Variants in DNAH17 observed in about 807,000 individuals in gnomAD.
The protein encoded by DNAH17 is dynein axonemal heavy chain 17.
A neutral mutation model predicts 485.6 loss-of-function variants in DNAH17; 376 were observed. That is an observed-to-expected ratio of 0.77 (90% CI 0.71 to 0.84). The LOEUF (loss-of-function observed/expected upper bound fraction) is 0.84, where lower values mean the gene tolerates loss of function less well. Ranked by LOEUF, DNAH17 falls within the 40% of genes least tolerant of loss-of-function variation. The pLI is 0.00. For synonymous variants in DNAH17, 3,031 were observed against 2,405.9 expected, an observed-to-expected ratio of 1.26 and a Z score of -7.60; for missense variants, 6,370 against 5,839.3, an observed-to-expected ratio of 1.09 and a Z score of -2.96.
chr17:78,429,227 C>A lies in DNAH17; in HGVS notation c.12299G>T (p.Arg4100Leu). The A allele has an allele frequency of 6.8e-6, 11 of 1,613,886 alleles. No individual in the cohort carries two copies. Among genetic ancestry groups the A allele is most frequent in the Non-Finnish European group, 9.3e-6 (11 of 1,179,882 alleles). ...YGGHITDDWD[R>L]RLCRTYLAEY... is the part of the protein sequence containing the mutation. Reference sequence around the variant, plus strand: ...AGCCAGGTAGGTCCTGCACAGCCGACGGTCCCAGTCATCTGTGATGTGGCC... The same window carrying A: ...AGCCAGGTAGGTCCTGCACAGCCGAAGGTCCCAGTCATCTGTGATGTGGCC... Residue 4100 changes from arginine to leucine, a missense_variant, in exon 76 of 81, where the codon CGT becomes CTT. Arg to Leu is a moderately radical substitution (Grantham distance 102). Coordinates refer to ENST00000389840, the MANE Select transcript of DNAH17 (RefSeq NM_173628.4).
chr17:78,453,478 C>A lies in DNAH17; in HGVS notation c.10407-13G>T. The A allele has an allele frequency of 6.2e-7, 1 of 1,613,636 alleles. No individual in the cohort carries two copies. On this transcript the variant is annotated splice_polypyrimidine_tract_variant and intron_variant, in intron 64 of 80. Coordinates refer to ENST00000389840, the MANE Select transcript of DNAH17 (RefSeq NM_173628.4). The stretch of plus-strand genomic sequence containing the variant: ...GACATCCAGGTAGCTGCGGGCACAA[C>A]ACGGAAGCTGGTTCATGGCAGAGGG...
At chr17:78,513,037 G>A (rs998232357) in intron 26 of DNAH17, among the ~76,000 whole-genome samples, 22 of 150,590 alleles carry the variant, frequency 1.5e-4, no homozygotes, top group African/African-American at 5.1e-4. Context: ...GCACCTTACT[G>A]AAGCTCACCT....
chr17:78,480,594 A>C, intron 49 of DNAH17, 90 bp downstream of exon 49: 2 of 1,122,298 alleles, frequency 1.8e-6, no homozygotes, highest in Non-Finnish European at 2.5e-6. Flanking sequence ...TGCAGCCCTA[A>C]CACCCTAAAC....
In DNAH17 at chr17:78,571,444, C is replaced by T. The variant is rs776508416; in HGVS notation, c.733-66G>A. On this transcript the variant is annotated intron_variant, in intron 4 of 80. Coordinates refer to ENST00000389840, the MANE Select transcript of DNAH17 (RefSeq NM_173628.4). ...AGACCCTAAGGCGAGGCCAACCTGA[C>T]CTTGTGGCTGGCTGGAGCTGCAGAA... The T allele has an allele frequency of 2.7e-6, 4 of 1,489,796 alleles. No homozygotes were observed. The South Asian group carries it at 3.4e-5, about 13-fold the overall frequency. The allele number at this position is 1,489,796 out of a possible 1,614,324, so 92.3% of individuals were successfully genotyped here.
At chr17:78,551,153 G>A (rs547237585) in intron 16 of DNAH17, among the ~76,000 whole-genome samples, 2 of 152,334 alleles carry the variant, frequency 1.3e-5, no homozygotes, top group South Asian at 4.1e-4. Context: ...CACCTAGAAG[G>A]CTAATGAAGG....
Position 78,514,830 on chromosome 17 carries a change from G to A in DNAH17, c.4057C>T (p.Leu1353=), listed in dbSNP as rs539282034. Residue 1353 remains leucine (L), a synonymous_variant, in exon 26 of 81, where the codon CTG becomes TTG. Coordinates refer to ENST00000389840, the MANE Select transcript of DNAH17 (RefSeq NM_173628.4). ...VITSLRAVSE[L]QNPAIRERHW... ...CGTTCCCGAATGGCAGGGTTCTGCA[G>A]CTCGCTCACGGCACGCAGGGACGTG... 120 of 1,613,946 alleles carry A rather than the reference G, an allele frequency of 7.4e-5. 2 individuals are homozygous for A. The South Asian group carries it at 1.3e-3, about 17-fold the overall frequency.
At chr17:78,455,421 G>A (rs1054029165) in intron 63 of DNAH17, among the ~76,000 whole-genome samples, 3 of 151,226 alleles carry the variant, frequency 2.0e-5, no homozygotes, top group Non-Finnish European at 3.0e-5. Context: ...CGCCTCCAAG[G>A]TTCAAGTGAT....
chr17:78,549,013 G>C (rs1235773923), intron 16 of DNAH17, among the ~76,000 whole-genome samples: 3 of 152,244 alleles, frequency 2.0e-5, no homozygotes, highest in Non-Finnish European at 4.4e-5. Context: ...AGACACAGGA[G>C]GTCAGCTGAT....
chr17:78,540,100 C>T (rs1234933443), intron 17 of DNAH17, among the ~76,000 whole-genome samples: 1 of 152,116 alleles, frequency 6.6e-6, no homozygotes, highest in Non-Finnish European at 1.5e-5. Flanking sequence ...TTTTTGATTT[C>T]AGCTCAAATG....
In DNAH17 at chr17:78,561,742, A is replaced by G; in HGVS notation, c.1808T>C (p.Met603Thr). 1 of 1,611,450 alleles carries G rather than the reference A, an allele frequency of 6.2e-7. No individual in the cohort carries two copies. Among genetic ancestry groups the G allele is most frequent in the Non-Finnish European group, 8.5e-7 (1 of 1,178,692 alleles). The change falls in exon 12 of 81, where the codon ATG (methionine) becomes ACG (threonine). Residue 603 changes from methionine (M) to threonine (T), a missense_variant. Met to Thr is a moderately conservative substitution (Grantham distance 81). Coordinates refer to ENST00000389840, the MANE Select transcript of DNAH17 (RefSeq NM_173628.4). ...LELQERLEVS[M>T]KHLKHVEHPV... ...GTGTTCGACGTGCTTCAGGTGTTTC[A>G]TGGACACCTCTAGCCTCTCCTGCAG... is the stretch of plus-strand genomic sequence containing the variant.
chr17:78,457,296 G>A lies in DNAH17; in HGVS notation c.9977+1269C>T, dbSNP rs931603086. Among the ~76,000 whole-genome samples, 5 of 152,180 alleles carry A rather than the reference G, an allele frequency of 3.3e-5. No individual in the cohort carries two copies. In the East Asian group the frequency reaches 5.8e-4, roughly 18 times the overall value. ...TGAGGCAGAAGAACTACTTGAACCC[G>A]GGAGATGGAGGTTGCAGTGAGCCAA... On this transcript the variant is annotated intron_variant, in intron 62 of 80. Coordinates refer to ENST00000389840, the MANE Select transcript of DNAH17 (RefSeq NM_173628.4).
rs142088263 is a variant in DNAH17 at position 78,550,703 on chromosome 17, C to T, written c.2391+832G>A. The stretch of plus-strand genomic sequence containing the variant: ...GAAGAGAAACGTCTGTTGTTGAAGT[C>T]GCCCAGACTGTGGCAGTTTGTGATG... On this transcript the variant is annotated intron_variant, in intron 16 of 80. Transcript: ENST00000389840. 2.7e-3 allele frequency among the ~76,000 whole-genome samples: 413 copies of T among 152,248 alleles called. 1 individual carries two copies. Among genetic ancestry groups the T allele is most frequent in the African/African-American group, 8.0e-3 (334 of 41,546 alleles).
rs884713 is a variant in DNAH17 at position 78,529,207 on chromosome 17, T to C, written c.3507+265A>G. Among the ~76,000 whole-genome samples, 351 of 152,184 alleles carry C rather than the reference T, an allele frequency of 2.3e-3. 2 individuals are homozygous for C. Among genetic ancestry groups the C allele is most frequent in the Admixed American group, 0.02 (306 of 15,292 alleles). ...TGCCCACCTTGGCCTCCCAAAGTGC[T>C]GGGATTACAATGAAGACATTTTTAA... On this transcript the variant is annotated intron_variant, in intron 22 of 80. Coordinates refer to ENST00000389840, the MANE Select transcript of DNAH17 (RefSeq NM_173628.4).
chr17:78,576,720 A>G (rs1194046234), intron 1 of DNAH17, among the ~76,000 whole-genome samples: 2 of 152,166 alleles, frequency 1.3e-5, no homozygotes, highest in Non-Finnish European at 2.9e-5. Context: ...CCTCTGGTTT[A>G]CTGATTTTGT....
In DNAH17 at chr17:78,441,130, G is replaced by A. The variant is rs773026032; in HGVS notation, c.11598C>T (p.Tyr3866=). ...TTGACGTGGAGGGGCTGCTCTCCTC[G>A]TAGGACTTAGAAAACTCAACACTCC... ...EGRSVEFSKS[Y]EESSPSTSIF... The change falls in exon 72 of 81, where the codon TAC becomes TAT. Residue 3866 remains tyrosine (Y), a synonymous_variant. Coordinates refer to ENST00000389840, the MANE Select transcript of DNAH17 (RefSeq NM_173628.4). The A allele has an allele frequency of 1.6e-5, 26 of 1,613,810 alleles. No homozygotes were observed. Among genetic ancestry groups the A allele is most frequent in the East Asian group, 2.2e-5 (1 of 44,896 alleles).
chr17:78,490,978 G>C, intron 43 of DNAH17, 131 bp from the exon 44 acceptor site: 6 of 1,174,554 alleles, frequency 5.1e-6, no homozygotes, highest in Non-Finnish European at 7.0e-6. Context: ...TGCCACCCCT[G>C]GCCCACAGCC....
At chr17:78,561,651 G>A in intron 12 of DNAH17, 64 bp downstream of exon 12, 2 of 1,513,874 alleles carry the variant, frequency 1.3e-6, no homozygotes, top group African/African-American at 1.4e-5. Context: ...GGTTGGGACA[G>A]TCCCTCTCGC....
chr17:78,478,032 TCACACCAC>T (rs1568117524), intron 51 of DNAH17, among the ~76,000 whole-genome samples: 5 of 108,280 alleles, frequency 4.6e-5, no homozygotes, highest in African/African-American at 2.2e-4. Context: ...ACCACCACCA[TCACACCAC>T]CATCATTACC....
rs572218665 is a variant in DNAH17, at chr17:78,483,851, C to T, written c.7649+1017G>A. Among the ~76,000 whole-genome samples the T allele has an allele frequency of 1.4e-4, 22 of 152,092 alleles. No homozygotes were observed. The South Asian group carries it at 2.7e-3, about 19-fold the overall frequency. ...GTGGCTCACACCTCTAATCCCAGCA[C>T]TTTGTGAGGCCAAGGCGGGCGGATC... On this transcript the variant is annotated intron_variant, in intron 48 of 80. Coordinates refer to ENST00000389840, the MANE Select transcript of DNAH17 (RefSeq NM_173628.4).
Sources: gnomAD v4.1 joint callset for allele counts (sites outside exome capture counted in the v4.1 genomes callset) on GRCh38, gnomAD v4.1.1 for gene constraint, MANE v1.5 for transcripts, NCBI Gene and HGNC (gene_info 2026-07-23, HGNC 2026-07-21) for gene names.